The following ASB3 variants were observed in gnomAD, a reference collection of about 807,000 sequenced individuals.
The protein encoded by ASB3 is ankyrin repeat and SOCS box protein 3.
ASB3 carries 41 observed loss-of-function variants against 54.5 expected under a neutral mutation model. That is an observed-to-expected ratio of 0.75 (90% CI 0.59 to 0.98). ASB3 has a LOEUF of 0.98. Ranked by LOEUF, ASB3 falls within the 50% of genes least tolerant of loss-of-function variation. ASB3 has a pLI of 0.00. For synonymous variants in ASB3, 266 were observed against 221.2 expected, an observed-to-expected ratio of 1.20 and a Z score of -1.80; for missense variants, 733 against 620.0, an observed-to-expected ratio of 1.18 and a Z score of -1.94.
Position 53,700,347 on chromosome 2 carries a change from G to A in ASB3, c.1162C>T (p.Gln388Ter), listed in dbSNP as rs1006414357. The A allele has an allele frequency of 6.2e-7, 1 of 1,613,948 alleles. No homozygotes were observed. Among genetic ancestry groups the A allele is most frequent in the African/African-American group, 1.3e-5 (1 of 74,924 alleles). ...GGCAACCACTCCTTATATTTTGCTT[G>A]TGCTTTAATTGCATGATTTACAAAT... ...YEFVNHAIKAQAKYKEWLPHL... is the reference protein window; with the variant it reads ...YEFVNHAIKA Residue 388 changes from glutamine to a stop codon, truncating the protein, a stop_gained, in exon 8 of 10, where the codon CAA becomes TAA. Transcript: ENST00000263634. LOFTEE classifies it high-confidence loss of function.
chr2:53,724,881 T>G (rs1208018954), intron 5 of ASB3, among the ~76,000 whole-genome samples: 1 of 152,056 alleles, frequency 6.6e-6, no homozygotes. Flanking sequence ...TTTGGAAATT[T>G]CTCAAAGAAC....
At chr2:53,686,674 CCT>C (rs1216564150) in intron 9 of ASB3, among the ~76,000 whole-genome samples, 1 of 151,954 alleles carries the variant, frequency 6.6e-6, no homozygotes, top group Non-Finnish European at 1.5e-5. Flanking sequence ...AAAAAAAACA[CCT>C]CTGTTTACTC....
At chr2:53,739,398 C>T (rs1671811487) in intron 3 of ASB3, among the ~76,000 whole-genome samples, 1 of 152,166 alleles carries the variant, frequency 6.6e-6, no homozygotes, top group Admixed American at 6.5e-5. Context: ...TAGACCTATA[C>T]ATACATGTAA....
At chr2:53,772,523 C>T (rs1444078275) in intron 1 of ASB3, among the ~76,000 whole-genome samples, 2 of 151,846 alleles carry the variant, frequency 1.3e-5, no homozygotes, top group Non-Finnish European at 2.9e-5. Flanking sequence ...TTGTGGTCCC[C>T]TTTGACATTA....
At chr2:53,727,729 T>G (rs1415166794) in intron 5 of ASB3, among the ~76,000 whole-genome samples, 1 of 152,182 alleles carries the variant, frequency 6.6e-6, no homozygotes, top group African/African-American at 2.4e-5. Flanking sequence ...CTTTCTTTCT[T>G]TCTTTCTTTT....
In ASB3 at chr2:53,734,918, G is replaced by GTT. The variant is rs35847412; in HGVS notation, c.356-5350_356-5349dup. On this transcript the variant is annotated intron_variant, in intron 3 of 9. Transcript: ENST00000263634. ...TTTTTTATTCCTTTACTTTATACAA[G>GTT]TTTTTTTTTTTTTTTTTTTGAGATG... Among the ~76,000 whole-genome samples the GTT allele has an allele frequency of 3.4e-3, 403 of 119,626 alleles. 3 individuals carry two copies. The highest frequency in any genetic ancestry group is 0.011 in the African/African-American group (316 of 29,886). 78.5% of individuals were successfully genotyped at this position (119,626 alleles called of 152,430 possible).
At chr2:53,703,001 A>G (rs1669573921) in intron 7 of ASB3, among the ~76,000 whole-genome samples, 1 of 152,262 alleles carries the variant, frequency 6.6e-6, no homozygotes. Context: ...TATGGTGGCT[A>G]GAATGGACAC....
chr2:53,754,614 T>C (rs1453125538), intron 2 of ASB3, among the ~76,000 whole-genome samples: 4 of 152,214 alleles, frequency 2.6e-5, no homozygotes, highest in Non-Finnish European at 4.4e-5. Flanking sequence ...TTGACTCTGC[T>C]AGAAATAATA....
intron 2 of ASB3, among the ~76,000 whole-genome samples, chr2:53,751,196 T>A (rs1672492287): frequency 6.6e-6 from 1 of 152,170 alleles, no homozygotes; most frequent in Admixed American, 6.5e-5. Context: ...TTTTGGTGAA[T>A]AAGGGAAGAG....
chr2:53,762,868 C>T (rs960869903), intron 2 of ASB3, among the ~76,000 whole-genome samples: 5 of 152,302 alleles, frequency 3.3e-5, no homozygotes, highest in Admixed American at 3.3e-4. Context: ...CACTTGAATG[C>T]TCTTCTCCAA....
At chr2:53,713,044 T>C (rs538806506) in intron 7 of ASB3, among the ~76,000 whole-genome samples, 1 of 152,268 alleles carries the variant, frequency 6.6e-6, no homozygotes, top group South Asian at 2.1e-4. Context: ...AACTAAAATG[T>C]ATAAGTTTAA....
intron 1 of ASB3, chr2:53,767,339 T>A (rs1326447141): frequency 6.6e-6 from 1 of 152,274 alleles, no homozygotes; most frequent in East Asian, 1.9e-4. Context: ...GACTTTTTTT[T>A]CAGGACATAA....
chr2:53,699,254 C>A (rs1414409957), intron 8 of ASB3, among the ~76,000 whole-genome samples: 1 of 152,190 alleles, frequency 6.6e-6, no homozygotes, highest in Non-Finnish European at 1.5e-5. Flanking sequence ...CTAATTACCT[C>A]CCAAATATCT....
chr2:53,731,544 G>T (rs1572926625), intron 3 of ASB3, among the ~76,000 whole-genome samples: 1 of 152,172 alleles, frequency 6.6e-6, no homozygotes, highest in Admixed American at 6.5e-5. Context: ...ATTTACCATG[G>T]AAAAAACAGT....
At chr2:53,673,356 A>C (rs964080990) in intron 9 of ASB3, among the ~76,000 whole-genome samples, 2 of 152,228 alleles carry the variant, frequency 1.3e-5, no homozygotes, top group Non-Finnish European at 2.9e-5. Flanking sequence ...ATGATGCTCC[A>C]GCTTCTCAGA....
At chr2:53,735,101 G>T (rs1286166420) in intron 3 of ASB3, among the ~76,000 whole-genome samples, 1 of 151,804 alleles carries the variant, frequency 6.6e-6, no homozygotes, top group Non-Finnish European at 1.5e-5. Context: ...TGTACTTTTA[G>T]TAGAGATGGT....
At chr2:53,741,233 G>A (rs558933737) in intron 3 of ASB3, among the ~76,000 whole-genome samples, 1 of 152,152 alleles carries the variant, frequency 6.6e-6, no homozygotes, top group South Asian at 2.1e-4. Flanking sequence ...ATCATTAGTT[G>A]GCCAATGGCA....
At chr2:53,688,608 A>G (rs1264824575) in intron 9 of ASB3, among the ~76,000 whole-genome samples, 1 of 152,234 alleles carries the variant, frequency 6.6e-6, no homozygotes, top group East Asian at 1.9e-4. Context: ...ATAATTGAGG[A>G]AACCAAAGCT....
chr2:53,750,059 A>G (rs1672433449), intron 3 of ASB3, among the ~76,000 whole-genome samples: 1 of 152,120 alleles, frequency 6.6e-6, no homozygotes, highest in Admixed American at 6.5e-5. Flanking sequence ...AAGTGAGGAT[A>G]CTGAAACATA....
Sources: allele counts gnomAD v4.1 joint callset (sites outside exome capture counted in the v4.1 genomes callset), GRCh38; gene constraint gnomAD v4.1.1; transcripts MANE v1.5; gene names NCBI Gene and HGNC (gene_info 2026-07-23, HGNC 2026-07-21).